The following C3orf33 variants were observed in gnomAD, a reference collection of about 807,000 sequenced individuals.
C3orf33 encodes AP-1 activity suppressor.
Under a neutral mutation model 28.7 loss-of-function variants are expected in C3orf33, and 23 were observed. That is an observed-to-expected ratio of 0.80 (90% CI 0.58 to 1.13). The LOEUF (loss-of-function observed/expected upper bound fraction) is 1.13, where lower values mean the gene tolerates loss of function less well. Among genes scored for constraint, C3orf33 ranks in the 50% most tolerant of loss-of-function variants. C3orf33 has a pLI of 0.00. For missense variants in C3orf33, 327 were observed against 353.4 expected (o/e 0.93, Z 0.60); for synonymous variants, 119 against 120.5 (o/e 0.99, Z 0.08).
chr3:155,772,961 C>G (rs534031368), intron 3 of C3orf33, among the ~76,000 whole-genome samples: 1 of 152,282 alleles, frequency 6.6e-6, no homozygotes, highest in African/African-American at 2.4e-5. Flanking sequence ...CACAGCTCCA[C>G]ACACCAATCT....
At chr3:155,779,584 C>T (rs1222533135) in intron 2 of C3orf33, among the ~76,000 whole-genome samples, 3 of 152,040 alleles carry the variant, frequency 2.0e-5, no homozygotes, top group East Asian at 3.9e-4. Context: ...CGTGAGCCAC[C>T]GTGCCCAGCC....
intron 3 of C3orf33, among the ~76,000 whole-genome samples, chr3:155,772,768 G>A (rs1175057566): frequency 4.6e-5 from 6 of 131,322 alleles, no homozygotes; most frequent in Non-Finnish European, 9.6e-5. Context: ...AAAATTTTTA[G>A]GCTCTGTGTG....
chr3:155,790,684 A>G (rs371393313), intron 2 of C3orf33, among the ~76,000 whole-genome samples: 177 of 152,220 alleles, frequency 1.2e-3, no homozygotes, highest in African/African-American at 3.8e-3. Flanking sequence ...TGATTATGGG[A>G]TTTTGCATTA....
At chr3:155,784,120 G>C (rs1417962873) in intron 2 of C3orf33, among the ~76,000 whole-genome samples, 1 of 151,528 alleles carries the variant, frequency 6.6e-6, no homozygotes, top group Non-Finnish European at 1.5e-5. Flanking sequence ...TAGTAGAGAT[G>C]GGTTTCTCCT....
intron 4 of C3orf33, among the ~76,000 whole-genome samples, chr3:155,765,062 T>A (rs1577408428): frequency 6.6e-6 from 1 of 152,206 alleles, no homozygotes; most frequent in Non-Finnish European, 1.5e-5. Context: ...AAACTCAGTA[T>A]AATTAAAATT....
At chr3:155,772,690 ACAG>A (rs1316633520) in intron 3 of C3orf33, among the ~76,000 whole-genome samples, 3 of 151,804 alleles carry the variant, frequency 2.0e-5, no homozygotes, top group Admixed American at 6.6e-5. Flanking sequence ...CTGTACTGAG[ACAG>A]TAGCAATAGC....
intron 3 of C3orf33, among the ~76,000 whole-genome samples, chr3:155,769,485 C>CAAA (rs59639224): frequency 4.6e-4 from 39 of 84,100 alleles, no homozygotes; most frequent in African/African-American, 1.3e-3. Flanking sequence ...GAGACTGTTT[C>CAAA]AAAAAAAAAA....
chr3:155,789,766 T>C (rs570309147), intron 2 of C3orf33, among the ~76,000 whole-genome samples: 3 of 152,284 alleles, frequency 2.0e-5, no homozygotes, highest in Non-Finnish European at 2.9e-5. Context: ...GGCATAAAGA[T>C]AGACATACAG....
chr3:155,775,022 A>C (rs967393002), intron 3 of C3orf33, among the ~76,000 whole-genome samples: 1 of 152,048 alleles, frequency 6.6e-6, no homozygotes, highest in Non-Finnish European at 1.5e-5. Context: ...TTTTCTTCAT[A>C]GCTCTTAGGA....
chr3:155,801,531 T>C (rs746921472), intron 2 of C3orf33, among the ~76,000 whole-genome samples: 3 of 152,132 alleles, frequency 2.0e-5, no homozygotes, highest in Non-Finnish European at 2.9e-5. Context: ...CAATGGAATA[T>C]TGTCAGTCTT....
chr3:155,778,210 C>CA (rs1363800775), intron 2 of C3orf33, among the ~76,000 whole-genome samples: 3 of 138,008 alleles, frequency 2.2e-5, no homozygotes, highest in Non-Finnish European at 4.7e-5. Flanking sequence ...TGAGACATAA[C>CA]AAGTAAATAT....
Position 155,766,300 on chromosome 3 carries a change from C to A in C3orf33, c.483+1209G>T, listed in dbSNP as rs142487136. ...TAAGGCACATGCACATCCTGGGATG[C>A]AGGACAGTGATTCAGCAACAAAGAT... On this transcript the variant is annotated intron_variant, in intron 4 of 4. Transcript: ENST00000340171. Among the ~76,000 whole-genome samples the A allele has an allele frequency of 4.6e-3, 699 of 152,324 alleles. 9 individuals are homozygous for A. The highest frequency in any genetic ancestry group is 0.016 in the African/African-American group (652 of 41,562).
At chr3:155,781,142 C>T (rs866377488) in intron 2 of C3orf33, among the ~76,000 whole-genome samples, 16 of 151,798 alleles carry the variant, frequency 1.1e-4, no homozygotes, top group South Asian at 2.1e-4. Flanking sequence ...GGACTACAGG[C>T]GTCCGCCACC....
At chr3:155,777,918 G>A (rs755039769) in intron 2 of C3orf33, among the ~76,000 whole-genome samples, 22 of 152,060 alleles carry the variant, frequency 1.4e-4, no homozygotes, top group Admixed American at 3.3e-4. Flanking sequence ...TTGGGAGGCC[G>A]AGGAGGACAG....
intron 2 of C3orf33, among the ~76,000 whole-genome samples, chr3:155,791,405 G>A (rs891785194): frequency 2.6e-5 from 4 of 152,180 alleles, no homozygotes; most frequent in Non-Finnish European, 1.5e-5. Context: ...TACCAGCTGT[G>A]ATGGCTATGG....
intron 2 of C3orf33, among the ~76,000 whole-genome samples, chr3:155,794,049 C>A (rs1235792767): frequency 6.6e-6 from 1 of 151,242 alleles, no homozygotes; most frequent in East Asian, 2.0e-4. Flanking sequence ...AGTGGTGCAA[C>A]CTCAGCTCAC....
chr3:155,774,962 C>T (rs1750696215), intron 3 of C3orf33, among the ~76,000 whole-genome samples: 1 of 152,112 alleles, frequency 6.6e-6, no homozygotes, highest in Non-Finnish European at 1.5e-5. Flanking sequence ...TGTATAGATT[C>T]CATACTGCCA....
At chr3:155,775,621 T>A (rs1249219724) in intron 3 of C3orf33, 80 bp downstream of exon 3, 1 of 973,700 alleles carries the variant, frequency 1.0e-6, no homozygotes, top group African/African-American at 1.7e-5. Flanking sequence ...TTAAAATGAC[T>A]TTTTTTTGCT....
At chr3:155,771,740 A>AC (rs1163848426) in intron 3 of C3orf33, among the ~76,000 whole-genome samples, 1 of 152,174 alleles carries the variant, frequency 6.6e-6, no homozygotes, top group African/African-American at 2.4e-5. Context: ...TGTTACTGTG[A>AC]CGTGAATCCC....
Sources: gnomAD v4.1 joint callset for allele counts (sites outside exome capture counted in the v4.1 genomes callset) on GRCh38, gnomAD v4.1.1 for gene constraint, MANE v1.5 for transcripts, NCBI Gene and HGNC (gene_info 2026-07-23, HGNC 2026-07-21) for gene names.